The following VWDE variants were observed in gnomAD, a reference collection of about 807,000 sequenced individuals.
The protein encoded by VWDE is von Willebrand factor D and EGF domains.
VWDE carries 207 observed loss-of-function variants against 178.4 expected under a neutral mutation model. The ratio of observed to expected loss-of-function variants is 1.16; its 90% CI spans 1.04 to 1.30. VWDE has a LOEUF of 1.30. Among genes scored for constraint, VWDE ranks in the 50% most tolerant of loss-of-function variants. The pLI is 0.00. For synonymous variants in VWDE, 738 were observed against 651.4 expected, an observed-to-expected ratio of 1.13 and a Z score of -2.02; for missense variants, 2,287 against 1,901.3, an observed-to-expected ratio of 1.20 and a Z score of -3.77.
At chr7:12,377,661 G>C in intron 7 of VWDE, 115 bp downstream of exon 7, 1 of 589,050 alleles carries the variant, frequency 1.7e-6, no homozygotes, top group East Asian at 3.5e-5. Context: ...AAAATTTGAT[G>C]TCAACATGCA....
At chr7:12,341,265 A>G (rs1781313418) in intron 23 of VWDE, among the ~76,000 whole-genome samples, 1 of 152,200 alleles carries the variant, frequency 6.6e-6, no homozygotes, top group South Asian at 2.1e-4. Flanking sequence ...ATTGAATTAC[A>G]CTTTCATTGA....
intron 1 of VWDE, among the ~76,000 whole-genome samples, chr7:12,400,801 T>A (rs544736732): frequency 6.6e-6 from 1 of 152,016 alleles, no homozygotes; most frequent in African/African-American, 2.4e-5. Flanking sequence ...CTCTGGAATA[T>A]GAGTGAAAAA....
At position 12,389,182 on chromosome 7, in the gene VWDE, G is replaced by A. The variant is rs773936467; in HGVS notation, c.420C>T (p.Asn140=). The A allele has an allele frequency of 5.2e-6, 8 of 1,551,964 alleles. No homozygotes were observed. Among genetic ancestry groups the A allele is most frequent in the Non-Finnish European group, 7.0e-6 (8 of 1,147,034 alleles). The part of the protein sequence containing the change: ...QIPVSVRNCG[N]FSVYLLQPTQ... Reference sequence around the variant, plus strand: ...TTGGTTGTAGTAAGTATACAGAAAAGTTCCCACAGTTTCTTACAGACACTG... The same window carrying A: ...TTGGTTGTAGTAAGTATACAGAAAAATTCCCACAGTTTCTTACAGACACTG... Residue 140 remains asparagine, a synonymous_variant, in exon 3 of 29, where the codon AAC becomes AAT. Coordinates refer to ENST00000275358, the MANE Select transcript of VWDE (RefSeq NM_001135924.3).
intron 19 of VWDE, among the ~76,000 whole-genome samples, chr7:12,345,581 C>T (rs981467868): frequency 2.6e-5 from 4 of 152,160 alleles, no homozygotes; most frequent in Non-Finnish European, 5.9e-5. Context: ...AACTCATCTT[C>T]ATACTGTGTG....
Position 12,373,212 on chromosome 7 carries a change from A to C in VWDE, c.1352T>G (p.Leu451Arg). ...YDNFKTGTFV[L>R]YKSMSRDFEV... is the part of the protein sequence containing the mutation. Reference sequence around the variant, plus strand: ...AAAATCACGTGACATACTCTTATAAAGCACAAATGTTCCAGTCTTGAAATT... The same window carrying C: ...AAAATCACGTGACATACTCTTATAACGCACAAATGTTCCAGTCTTGAAATT... Residue 451 changes from leucine to arginine, a missense_variant, in exon 10 of 29, where the codon CTT becomes CGT. Leu to Arg is a moderately radical substitution (Grantham distance 102). Transcript: ENST00000275358. 1 of 1,551,390 alleles carries C rather than the reference A, an allele frequency of 6.4e-7. No homozygotes were observed. The highest frequency in any genetic ancestry group is 8.7e-7 in the Non-Finnish European group (1 of 1,146,744).
chr7:12,363,593 AAG>A (rs1316006608), intron 13 of VWDE, among the ~76,000 whole-genome samples: 2 of 152,098 alleles, frequency 1.3e-5, no homozygotes, highest in Non-Finnish European at 2.9e-5. Context: ...ATATTAAAAA[AAG>A]AGTTTCTATC....
intron 1 of VWDE, among the ~76,000 whole-genome samples, chr7:12,396,862 G>C (rs1182302414): frequency 6.6e-6 from 1 of 152,114 alleles, no homozygotes; most frequent in Non-Finnish European, 1.5e-5. Flanking sequence ...TTGAACCCAG[G>C]AGATGGAAGT....
intron 9 of VWDE, among the ~76,000 whole-genome samples, 197 bp downstream of exon 9, chr7:12,374,492 G>GT (rs1783399109): frequency 6.6e-6 from 1 of 152,036 alleles, no homozygotes; most frequent in South Asian, 2.1e-4. Flanking sequence ...GATAATCCAT[G>GT]TTTTTTACTA....
rs1782924824 is a variant in VWDE at position 12,367,461 on chromosome 7, C to A, written c.2794G>T (p.Ala932Ser). Reference sequence around the variant, plus strand: ...TATTTTTGAACATCACAGAATCCAGCATTCCCAAGCTCTGTAATTTCAGGA... The same window carrying A: ...TATTTTTGAACATCACAGAATCCAGAATTCCCAAGCTCTGTAATTTCAGGA... Reference protein sequence around the residue: ...KAPEITELGNAGFCDVQKYNC... With the variant: ...KAPEITELGNSGFCDVQKYNC... The change falls in exon 13 of 29, where the codon GCT (alanine) becomes TCT (serine). Residue 932 changes from alanine to serine, a missense_variant. Physicochemically the swap from Ala to Ser is moderately conservative, Grantham distance 99 (BLOSUM62 1). Transcript: ENST00000275358. 1 of 1,537,192 alleles carries A rather than the reference C, an allele frequency of 6.5e-7. No individual in the cohort carries two copies. The highest frequency in any genetic ancestry group is 2.0e-5 in the Admixed American group (1 of 49,272).
Position 12,370,467 on chromosome 7 carries a change from A to T in VWDE, c.1839T>A (p.Ser613=). The T allele has an allele frequency of 6.5e-7, 1 of 1,542,204 alleles. No homozygotes were observed. Among genetic ancestry groups the T allele is most frequent in the Non-Finnish European group, 8.7e-7 (1 of 1,146,516 alleles). The change falls in exon 12 of 29, where the codon TCT becomes TCA. Residue 613 remains serine, a synonymous_variant. Coordinates refer to ENST00000275358, the MANE Select transcript of VWDE (RefSeq NM_001135924.3). ...AGGATGGCTTTCCAGGTGATGTCAT[A>T]GAAACTGGCAGTGTGTCAGACATGC... The part of the protein sequence containing the change: ...GKSMSDTLPV[S]MTSPGKPSYC...
chr7:12,400,965 G>C (rs1265950039), intron 1 of VWDE, among the ~76,000 whole-genome samples: 1 of 152,054 alleles, frequency 6.6e-6, no homozygotes, highest in Non-Finnish European at 1.5e-5. Flanking sequence ...AAATCCACAT[G>C]TTCATCTCAA....
At chr7:12,376,816 T>C (rs1210916999) in intron 7 of VWDE, among the ~76,000 whole-genome samples, 2 of 152,074 alleles carry the variant, frequency 1.3e-5, no homozygotes, top group African/African-American at 4.8e-5. Context: ...TTAACAATCC[T>C]AAGATGACCT....
At chr7:12,331,272 C>T (rs1455270279) in intron 28 of VWDE, 75 bp from the exon 29 acceptor site, 4 of 1,256,452 alleles carry the variant, frequency 3.2e-6, no homozygotes, top group African/African-American at 1.5e-5. Context: ...TATTTGTTGC[C>T]TCCTTCCCTC....
intron 27 of VWDE, among the ~76,000 whole-genome samples, chr7:12,335,747 A>G (rs776090241): frequency 5.3e-5 from 8 of 151,872 alleles, no homozygotes; most frequent in Non-Finnish European, 1.0e-4. Flanking sequence ...GAGCCACTGC[A>G]CCCGGCCTAG....
chr7:12,388,871 T>C (rs1583346276), intron 3 of VWDE: 2 of 564,660 alleles, frequency 3.5e-6, no homozygotes, highest in East Asian at 3.7e-5. Context: ...TTTAACACAC[T>C]CAATCATTAT....
chr7:12,343,624 T>C (rs1322011076), intron 21 of VWDE, among the ~76,000 whole-genome samples: 3 of 152,192 alleles, frequency 2.0e-5, no homozygotes, highest in East Asian at 1.9e-4. Flanking sequence ...TCCATAATTA[T>C]ATGCACCATC....
At chr7:12,349,535 G>A (rs965171295) in intron 19 of VWDE, among the ~76,000 whole-genome samples, 3 of 151,108 alleles carry the variant, frequency 2.0e-5, no homozygotes, top group African/African-American at 7.3e-5. Flanking sequence ...AAATCTTAAT[G>A]CTTTCATATA....
At chr7:12,331,401 C>G (rs955941686) in intron 28 of VWDE, among the ~76,000 whole-genome samples, 2 of 152,124 alleles carry the variant, frequency 1.3e-5, no homozygotes, top group Admixed American at 6.6e-5. Flanking sequence ...CCAAATGGAG[C>G]TTGCATACTA....
chr7:12,397,203 T>C (rs1784672564), intron 1 of VWDE, among the ~76,000 whole-genome samples: 1 of 152,096 alleles, frequency 6.6e-6, no homozygotes, highest in African/African-American at 2.4e-5. Flanking sequence ...AACATCATAG[T>C]AGTCATTCAA....
Sources: gnomAD v4.1 joint callset for allele counts (sites outside exome capture counted in the v4.1 genomes callset) on GRCh38, gnomAD v4.1.1 for gene constraint, MANE v1.5 for transcripts, NCBI Gene and HGNC (gene_info 2026-07-23, HGNC 2026-07-21) for gene names.